SCUBE1: variants seen among roughly 807,000 people sequenced by gnomAD.
SCUBE1 encodes signal peptide, CUB domain and EGF like domain containing 1.
Under a neutral mutation model 124.4 loss-of-function variants are expected in SCUBE1, and 59 were observed. That is an observed-to-expected ratio of 0.47 (90% confidence interval 0.38 to 0.59). The LOEUF (loss-of-function observed/expected upper bound fraction) is 0.59, where lower values mean the gene tolerates loss of function less well. SCUBE1 is among the 20% of genes least tolerant of loss of function. The pLI, the probability that SCUBE1 is intolerant of heterozygous loss-of-function variation, is 0.00. For synonymous variants in SCUBE1, 545 were observed against 550.9 expected, an observed-to-expected ratio of 0.99 and a Z score of 0.15; for missense variants, 1,150 against 1,371.2, an observed-to-expected ratio of 0.84 and a Z score of 2.55.
intron 4 of SCUBE1, among the ~76,000 whole-genome samples, chr22:43,286,590 A>C (rs949863874): frequency 6.6e-6 from 1 of 152,210 alleles, no homozygotes; most frequent in Admixed American, 6.5e-5. Context: ...CCATGTCACG[A>C]ACGTCTCTGC....
intron 2 of SCUBE1, among the ~76,000 whole-genome samples, chr22:43,333,536 A>G (rs976707465): frequency 6.6e-6 from 1 of 152,220 alleles, no homozygotes; most frequent in Non-Finnish European, 1.5e-5. Flanking sequence ...AGAAGTTTCA[A>G]GGTGACCTGG....
At chr22:43,236,103 T>G (rs1922751696) in intron 7 of SCUBE1, among the ~76,000 whole-genome samples, 1 of 152,202 alleles carries the variant, frequency 6.6e-6, no homozygotes, top group African/African-American at 2.4e-5. Context: ...CGTGGAGCCT[T>G]TGAACTCTCT....
At chr22:43,244,673 G>A (rs535439628) in intron 6 of SCUBE1, among the ~76,000 whole-genome samples, 3 of 152,332 alleles carry the variant, frequency 2.0e-5, no homozygotes, top group African/African-American at 7.2e-5. Context: ...CCAGCACACG[G>A]GGGGACTGTG....
chr22:43,284,070 G>A (rs1003119875), intron 4 of SCUBE1, among the ~76,000 whole-genome samples: 1 of 152,218 alleles, frequency 6.6e-6, no homozygotes. Context: ...GCTCTTACCT[G>A]GTCTGTGTAT....
intron 19 of SCUBE1, among the ~76,000 whole-genome samples, chr22:43,209,397 G>A (rs1291923151): frequency 6.6e-6 from 1 of 152,232 alleles, no homozygotes; most frequent in East Asian, 1.9e-4. Flanking sequence ...TATTTGGCTG[G>A]TGCTCGGGTG....
intron 6 of SCUBE1, among the ~76,000 whole-genome samples, chr22:43,254,464 C>A (rs1923580766): frequency 6.6e-6 from 1 of 152,218 alleles, no homozygotes; most frequent in African/African-American, 2.4e-5. Context: ...AGCCACCTCT[C>A]TGGGACCTTT....
chr22:43,323,305 A>T (rs910622478), intron 2 of SCUBE1, among the ~76,000 whole-genome samples: 5 of 151,834 alleles, frequency 3.3e-5, no homozygotes, highest in African/African-American at 1.2e-4. Flanking sequence ...CTTTCATCCA[A>T]ACACCCATCT....
At chr22:43,223,804 G>A (rs1198622972) in intron 10 of SCUBE1, among the ~76,000 whole-genome samples, 1 of 152,308 alleles carries the variant, frequency 6.6e-6, no homozygotes, top group Middle Eastern at 3.4e-3. Flanking sequence ...TATGTGGCAC[G>A]CCTCTGAAAG....
Position 43,262,739 on chromosome 22 carries a change from T to C in SCUBE1, c.591A>G (p.Gln197=), listed in dbSNP as rs762430470. 3 of 1,614,100 alleles carry C rather than the reference T, an allele frequency of 1.9e-6. No homozygotes were observed. Among genetic ancestry groups the C allele is most frequent in the African/African-American group, 1.3e-5 (1 of 75,028 alleles). The change falls in exon 5 of 22, where the codon CAA becomes CAG. Residue 197 remains glutamine (Q), a synonymous_variant. Coordinates refer to ENST00000360835, the MANE Select transcript of SCUBE1 (RefSeq NM_173050.5). ...CDCRPGFDLA[Q]NQKDCTLTCN... is the part of the protein sequence containing the mutation. ...ACCTACGTGTGCAGTCCTTCTGGTT[T>C]TGGGCAAGGTCAAAGCCGGGCCTGC...
intron 2 of SCUBE1, among the ~76,000 whole-genome samples, chr22:43,328,372 T>C (rs1340281201): frequency 6.6e-6 from 1 of 152,060 alleles, no homozygotes; most frequent in East Asian, 1.9e-4. Flanking sequence ...CTCCTGCCAA[T>C]TACAGGCAGT....
Position 43,204,005 on chromosome 22 carries a change from A to T in SCUBE1, c.2959T>A (p.Tyr987Asn). The change falls in exon 22 of 22, where the codon TAC (tyrosine) becomes AAC (asparagine). Residue 987 changes from tyrosine (Y) to asparagine (N), a missense_variant. Coordinates refer to ENST00000360835, the MANE Select transcript of SCUBE1 (RefSeq NM_173050.5). ...AGGGCCGCTCCCCCCGGTTATTTGTAGGGCCGCAGGAACCGAGACACTTTG... is the reference window on the plus strand; with the variant it reads ...AGGGCCGCTCCCCCCGGTTATTTGTTGGGCCGCAGGAACCGAGACACTTTG... ...RSKVSRFLRP[Y>N]K 6.2e-7 allele frequency: 1 copy of T among 1,614,004 alleles called. No homozygotes were observed. The highest frequency in any genetic ancestry group is 8.5e-7 in the Non-Finnish European group (1 of 1,179,958).
rs1922674732 is a variant in SCUBE1 at position 43,234,388 on chromosome 22, G to T, written c.845-2513C>A. On this transcript the variant is annotated intron_variant, in intron 7 of 21. Transcript: ENST00000360835. This position sits in a 1 kb window ranked among gnomAD's most constrained non-coding sequence, Gnocchi z 4.4. ...ATGAGCTGAGGCTGCTAAGCAGACAGGGGCAGCACGTGATCATTCTCACCA... is the reference window on the plus strand; with the variant it reads ...ATGAGCTGAGGCTGCTAAGCAGACATGGGCAGCACGTGATCATTCTCACCA... 6.6e-6 allele frequency among the ~76,000 whole-genome samples: 1 copy of T among 152,204 alleles called. No homozygotes were observed. The highest frequency in any genetic ancestry group is 1.5e-5 in the Non-Finnish European group (1 of 68,042).
intron 6 of SCUBE1, among the ~76,000 whole-genome samples, chr22:43,250,802 C>A (rs1387509666): frequency 6.6e-6 from 1 of 152,210 alleles, no homozygotes; most frequent in African/African-American, 2.4e-5. Flanking sequence ...GGTGGTGGGA[C>A]CCCTGGAATG....
At position 43,319,342 on chromosome 22, in the gene SCUBE1, G is replaced by A. The variant is rs979572416; in HGVS notation, c.349+595C>T. Among the ~76,000 whole-genome samples, 14 of 152,122 alleles carry A rather than the reference G, an allele frequency of 9.2e-5. No homozygotes were observed. The South Asian group carries it at 1.2e-3, about 14-fold the overall frequency. On this transcript the variant is annotated intron_variant, in intron 3 of 21. Transcript: ENST00000360835. ...AGCACTTTGGGAAGCCGAAGCAGGCGGATCACAAGGTCAGTAGCTCGAGAC... is the reference window on the plus strand; with the variant it reads ...AGCACTTTGGGAAGCCGAAGCAGGCAGATCACAAGGTCAGTAGCTCGAGAC...
At chr22:43,273,866 C>T (rs1266353380) in intron 4 of SCUBE1, among the ~76,000 whole-genome samples, 1 of 152,106 alleles carries the variant, frequency 6.6e-6, no homozygotes, top group African/African-American at 2.4e-5. Flanking sequence ...AGCCACCACG[C>T]GCAGCTTAAA....
chr22:43,313,241 G>T (rs1926232005), intron 3 of SCUBE1, among the ~76,000 whole-genome samples: 2 of 152,204 alleles, frequency 1.3e-5, no homozygotes, highest in South Asian at 4.1e-4. Flanking sequence ...GAAATGGAGA[G>T]AGCTGGCTAA....
In SCUBE1 at chr22:43,291,067, T is replaced by C; in HGVS notation, c.463A>G (p.Thr155Ala). The C allele has an allele frequency of 6.2e-7, 1 of 1,611,576 alleles. No homozygotes were observed. Among genetic ancestry groups the C allele is most frequent in the Non-Finnish European group, 8.5e-7 (1 of 1,178,576 alleles). Reference protein sequence around the residue: ...SGFFLSDNQHTCIHRSNEGMN... With the variant: ...SGFFLSDNQHACIHRSNEGMN... ...TCACCATTGGAGCGGTGGATGCAGG[T>C]ATGCTGGTTGTCACTAAGGAAGAAG... Residue 155 changes from threonine (T) to alanine (A), a missense_variant, in exon 4 of 22, where the codon ACC (threonine) becomes GCC (alanine). Coordinates refer to ENST00000360835, the MANE Select transcript of SCUBE1 (RefSeq NM_173050.5).
intron 2 of SCUBE1, among the ~76,000 whole-genome samples, chr22:43,320,627 A>G (rs1437180061): frequency 6.6e-6 from 1 of 152,154 alleles, no homozygotes; most frequent in African/African-American, 2.4e-5. Context: ...TACCCTGGAG[A>G]ATGATAGGAA....
intron 4 of SCUBE1, among the ~76,000 whole-genome samples, chr22:43,266,933 CA>C (rs1351000825): frequency 6.6e-6 from 1 of 152,136 alleles, no homozygotes; most frequent in Non-Finnish European, 1.5e-5. Context: ...AGTGTGAGGA[CA>C]AAGCCTCCGC....
Sources: gnomAD v4.1 joint callset for allele counts (sites outside exome capture counted in the v4.1 genomes callset) on GRCh38, gnomAD v4.1.1 for gene constraint, Gnocchi (gnomAD v3.1) non-coding constraint, MANE v1.5 for transcripts, NCBI Gene and HGNC (gene_info 2026-07-23, HGNC 2026-07-21) for gene names.